The following ADAMTS14 variants were observed in gnomAD, a reference collection of about 807,000 sequenced individuals.
The protein encoded by ADAMTS14 is A disintegrin and metalloproteinase with thrombospondin motifs 14.
In ADAMTS14, 100 loss-of-function variants were observed where a neutral mutation model predicts 128.6. The observed-to-expected ratio is 0.78, with a 90% CI of 0.66 to 0.92. The LOEUF (loss-of-function observed/expected upper bound fraction) is 0.92. Among genes scored for constraint, ADAMTS14 ranks in the 40% least tolerant of loss-of-function variants. The probability of loss-of-function intolerance (pLI) is 0.00; values close to 1 mark genes in which losing one functional copy is unlikely to be tolerated. For missense variants in ADAMTS14, 1,562 were observed against 1,658.6 expected, an observed-to-expected ratio of 0.94 and a Z score of 1.01; for synonymous variants, 665 against 653.8, an observed-to-expected ratio of 1.02 and a Z score of -0.26.
At chr10:70,731,865 C>T (rs954463845) in intron 6 of ADAMTS14, among the ~76,000 whole-genome samples, 10 of 152,156 alleles carry the variant, frequency 6.6e-5, no homozygotes, top group African/African-American at 2.4e-4. Context: ...ATCTGAGTCT[C>T]CTGTTTTCCC....
intron 6 of ADAMTS14, among the ~76,000 whole-genome samples, chr10:70,730,831 A>C (rs926931205): frequency 1.3e-5 from 2 of 152,160 alleles, no homozygotes; most frequent in South Asian, 4.1e-4. Flanking sequence ...AATACTCTGC[A>C]AACATGCAGC....
At chr10:70,731,958 G>A (rs184817890) in intron 6 of ADAMTS14, among the ~76,000 whole-genome samples, 41 of 152,294 alleles carry the variant, frequency 2.7e-4, no homozygotes, top group Non-Finnish European at 5.1e-4. Context: ...TGGGACTGGA[G>A]GGAGGCATTG....
chr10:70,721,338 AC>A (rs1302511471), intron 4 of ADAMTS14, among the ~76,000 whole-genome samples: 3 of 144,942 alleles, frequency 2.1e-5, no homozygotes, highest in African/African-American at 7.7e-5. Context: ...ACAGCTTTTA[AC>A]CTCAGTTAGA....
chr10:70,690,593 CGTGGGAGGCA>C (rs2132563300), intron 2 of ADAMTS14, among the ~76,000 whole-genome samples: 1 of 145,318 alleles, frequency 6.9e-6, no homozygotes, highest in East Asian at 1.9e-4. Context: ...CGTGATCTCA[CGTGGGAGGCA>C]TGGTTTAAAA....
Position 70,755,742 on chromosome 10 carries a change from G to A in ADAMTS14, c.2937+1735G>A, listed in dbSNP as rs2688771. On this transcript the variant is annotated intron_variant, in intron 19 of 21. Coordinates refer to ENST00000373207, the MANE Select transcript of ADAMTS14 (RefSeq NM_080722.4). ...CGTATGCCTGTAATCTCAGCTACTC[G>A]GGAGGCTGAGGCAGGAGAATCGCTT... 2.5e-3 allele frequency among the ~76,000 whole-genome samples: 388 copies of A among 152,258 alleles called. 1 individual carries two copies. Among genetic ancestry groups the A allele is most frequent in the African/African-American group, 8.6e-3 (357 of 41,518 alleles).
chr10:70,751,336 C>T (rs1193666436), intron 16 of ADAMTS14, 142 bp from the exon 17 acceptor site: 1 of 817,312 alleles, frequency 1.2e-6, no homozygotes, highest in South Asian at 1.8e-5. Flanking sequence ...TACCATACCC[C>T]AGCCATGCTG....
chr10:70,680,097 T>C (rs1390895337), intron 2 of ADAMTS14, among the ~76,000 whole-genome samples: 1 of 152,228 alleles, frequency 6.6e-6, no homozygotes, highest in African/African-American at 2.4e-5. Flanking sequence ...TATGGTATGT[T>C]ATATCTCAAT....
intron 4 of ADAMTS14, among the ~76,000 whole-genome samples, chr10:70,715,274 T>C (rs533016179): frequency 5.9e-5 from 9 of 152,310 alleles, no homozygotes; most frequent in Non-Finnish European, 1.2e-4. Context: ...TGTATCCTAA[T>C]GCTGGGGTTC....
intron 15 of ADAMTS14, 113 bp from the exon 16 acceptor site, chr10:70,749,709 C>A (rs1051716411): frequency 7.4e-7 from 1 of 1,344,340 alleles, no homozygotes; most frequent in Non-Finnish European, 1.0e-6. Flanking sequence ...AAGGAAAGGC[C>A]GGTGGACAGG....
chr10:70,746,051 T>C lies in ADAMTS14; in HGVS notation c.2263+745T>C, dbSNP rs1842169206. Reference sequence around the variant, plus strand: ...AAGGGGTAGAAACATAGACTAGCTCTTGATGGTAGAAGTGGTGAAGTTACT... The same window carrying C: ...AAGGGGTAGAAACATAGACTAGCTCCTGATGGTAGAAGTGGTGAAGTTACT... On this transcript the variant is annotated intron_variant, in intron 15 of 21. Transcript: ENST00000373207. Among the ~76,000 whole-genome samples, 3 of 152,222 alleles carry C rather than the reference T, an allele frequency of 2.0e-5. No homozygotes were observed. In the South Asian group the frequency reaches 6.2e-4, roughly 32 times the overall value.
At chr10:70,698,569 C>A (rs1029361903) in intron 2 of ADAMTS14, among the ~76,000 whole-genome samples, 1 of 152,160 alleles carries the variant, frequency 6.6e-6, no homozygotes, top group African/African-American at 2.4e-5. Context: ...AGAGTCTCTG[C>A]GGCCCAGGCA....
At chr10:70,744,749 T>G (rs1449508079) in intron 14 of ADAMTS14, among the ~76,000 whole-genome samples, 1 of 152,136 alleles carries the variant, frequency 6.6e-6, no homozygotes, top group Non-Finnish European at 1.5e-5. Context: ...TGTCTCACCT[T>G]TGATTGTTGG....
chr10:70,734,121 G>A (rs1030577993), intron 8 of ADAMTS14, 93 bp downstream of exon 8: 13 of 1,498,792 alleles, frequency 8.7e-6, no homozygotes, highest in South Asian at 5.0e-5. Context: ...TCCCCACGTT[G>A]CCCCTGGCTT....
chr10:70,760,973 C>T lies in ADAMTS14; in HGVS notation c.*120C>T, dbSNP rs115532359. 134 of 1,354,240 alleles carry T rather than the reference C, an allele frequency of 9.9e-5. No individual in the cohort carries two copies. The African/African-American group carries it at 1.8e-3, about 18-fold the overall frequency. 83.9% of individuals were successfully genotyped at this position (1,354,240 alleles called of 1,614,324 possible). On this transcript the variant is annotated 3_prime_UTR_variant, in exon 22 of 22. Coordinates refer to ENST00000373207, the MANE Select transcript of ADAMTS14 (RefSeq NM_080722.4). ...ACAGACTTCATTTTAAATCATTCGC[C>T]TTCTTCTCGTTTGGGGCTGTGATGC...
Position 70,752,204 on chromosome 10 carries a change from C to A in ADAMTS14, c.2706C>A (p.Asn902Lys). ...CCAAGCCCATCCGCCGGCGCTGCAA[C>A]CAGCACCCGTGCTCTCAGCCTGTGT... is the stretch of plus-strand genomic sequence containing the variant. ...KRPKPIRRRC[N>K]QHPCSQPVWV... Residue 902 changes from asparagine to lysine, a missense_variant, in exon 18 of 22, where the codon AAC becomes AAA. Asn to Lys is a moderately conservative substitution (Grantham distance 94). Coordinates refer to ENST00000373207, the MANE Select transcript of ADAMTS14 (RefSeq NM_080722.4). 1 of 1,613,776 alleles carries A rather than the reference C, an allele frequency of 6.2e-7. No individual in the cohort carries two copies. Among genetic ancestry groups the A allele is most frequent in the Non-Finnish European group, 8.5e-7 (1 of 1,179,964 alleles).
At chr10:70,675,035 C>T (rs778909297) in intron 2 of ADAMTS14, 40 bp downstream of exon 2, 149 of 1,593,072 alleles carry the variant, frequency 9.4e-5, no homozygotes, top group Non-Finnish European at 1.2e-4. Flanking sequence ...TCCTCCCCCT[C>T]CCATGCCCTG....
chr10:70,712,867 T>A (rs2132624977), intron 4 of ADAMTS14, among the ~76,000 whole-genome samples: 2 of 152,308 alleles, frequency 1.3e-5, no homozygotes, highest in South Asian at 4.1e-4. Flanking sequence ...TTCCCGGAAC[T>A]AGCGGAGTGG....
chr10:70,714,817 G>A (rs78749438), intron 4 of ADAMTS14, among the ~76,000 whole-genome samples: 10,051 of 151,610 alleles, frequency 0.066, 441 homozygotes, highest in East Asian at 0.17. Flanking sequence ...GTGTGGTGGT[G>A]CGCCTGTAGT....
chr10:70,682,824 G>A (rs1380001505), intron 2 of ADAMTS14, among the ~76,000 whole-genome samples: 1 of 152,172 alleles, frequency 6.6e-6, no homozygotes, highest in Non-Finnish European at 1.5e-5. Context: ...TTCTCGGGGT[G>A]CACCTTGCTT....
Sources: gnomAD v4.1 joint callset for allele counts (sites outside exome capture counted in the v4.1 genomes callset) on GRCh38, gnomAD v4.1.1 for gene constraint, MANE v1.5 for transcripts, NCBI Gene and HGNC (gene_info 2026-07-23, HGNC 2026-07-21) for gene names.